Variants in CELSR1 observed in about 807,000 individuals in gnomAD.
The protein encoded by CELSR1 is adhesion G protein-coupled receptor C1.
CELSR1 carries 110 observed loss-of-function variants against 249.1 expected under a neutral mutation model. The observed-to-expected ratio is 0.44, with a 90% CI of 0.38 to 0.52. CELSR1 has a LOEUF of 0.52. Ranked by LOEUF, CELSR1 falls within the 20% of genes least tolerant of loss-of-function variation. The pLI, the probability that CELSR1 is intolerant of heterozygous loss-of-function variation, is 0.00. For missense variants in CELSR1, 4,109 were observed against 4,296.4 expected, an observed-to-expected ratio of 0.96 and a Z score of 1.22; for synonymous variants, 2,113 against 1,900.0, an observed-to-expected ratio of 1.11 and a Z score of -2.92.
intron 1 of CELSR1, among the ~76,000 whole-genome samples, chr22:46,531,160 A>C (rs1473168437): frequency 6.6e-6 from 1 of 152,020 alleles, no homozygotes; most frequent in Non-Finnish European, 1.5e-5. Flanking sequence ...ATCCTAGTCG[A>C]ATGGTCTGAG....
chr22:46,377,101 TGA>T lies in CELSR1; in HGVS notation c.7542_7543del (p.Gln2515AlafsTer231). On this transcript the variant is annotated frameshift_variant, in exon 24 of 35. Coordinates refer to ENST00000674500, the MANE Select transcript of CELSR1 (RefSeq NM_001378328.1). LOFTEE classifies it high-confidence loss of function. ...GTTGATCCCAATCACGAACACCAGC[TGA>T]GAGAGGAAGAGCGCCACGGCGAGGT... The T allele has an allele frequency of 6.2e-7, 1 of 1,613,428 alleles. No individual in the cohort carries two copies. The highest frequency in any genetic ancestry group is 8.5e-7 in the Non-Finnish European group (1 of 1,179,848).
At chr22:46,457,815 G>A (rs1474585082) in intron 2 of CELSR1, among the ~76,000 whole-genome samples, 1 of 152,252 alleles carries the variant, frequency 6.6e-6, no homozygotes, top group East Asian at 1.9e-4. Flanking sequence ...AGGAGACAGG[G>A]AAGGGAAGTG....
rs370659886 is a variant in CELSR1, at chr22:46,399,642, G to A, written c.5412+75C>T. 203 of 1,484,778 alleles carry A rather than the reference G, an allele frequency of 1.4e-4. No homozygotes were observed. The highest frequency in any genetic ancestry group is 1.8e-4 in the East Asian group (8 of 44,176). The allele number at this position is 1,484,778 out of a possible 1,614,324, so 92.0% of individuals were successfully genotyped here. On this transcript the variant is annotated intron_variant, in intron 10 of 34. Transcript: ENST00000674500. The surrounding 1 kb of genome is among the most constrained non-coding windows in gnomAD (Gnocchi z 5.0). The stretch of plus-strand genomic sequence containing the variant: ...CAAGGTCTCTGGTGGGTCCTGGCAC[G>A]TCAAGGGGTCATTCTGTTTTTCCCT...
rs370968120 is a variant in CELSR1, at chr22:46,411,792, G to A, written c.4612-33C>T. The stretch of plus-strand genomic sequence containing the variant: ...AAGAGAAAGCACAGAAGGTGTCAGC[G>A]TTTTCTCCACCAGTGCCCTCAGCAG... On this transcript the variant is annotated intron_variant, in intron 5 of 34. Coordinates refer to ENST00000674500, the MANE Select transcript of CELSR1 (RefSeq NM_001378328.1). The surrounding 1 kb of genome is among the most constrained non-coding windows in gnomAD (Gnocchi z 4.2). 16 of 1,612,384 alleles carry A rather than the reference G, an allele frequency of 9.9e-6. No homozygotes were observed. The highest frequency in any genetic ancestry group is 6.7e-5 in the African/African-American group (5 of 74,958).
rs963366897 is a variant in CELSR1, at chr22:46,527,820, G to T, written c.3544+5807C>A. ...TTTAAGATGGTCCGACCCAGGCTGG[G>T]AGCGGTGGCTCACGCCTGTAATCCC... On this transcript the variant is annotated intron_variant, in intron 1 of 34. Transcript: ENST00000674500. This position sits in a 1 kb window ranked among gnomAD's most constrained non-coding sequence, Gnocchi z 5.5. 1.3e-5 allele frequency among the ~76,000 whole-genome samples: 2 copies of T among 152,212 alleles called. No individual in the cohort carries two copies. Among genetic ancestry groups the T allele is most frequent in the African/African-American group, 4.8e-5 (2 of 41,450 alleles).
At chr22:46,507,535 C>T (rs571150460) in intron 1 of CELSR1, among the ~76,000 whole-genome samples, 16 of 152,282 alleles carry the variant, frequency 1.1e-4, no homozygotes, top group African/African-American at 3.8e-4. Flanking sequence ...GCCCCAGGCC[C>T]CAACAGCCTG....
chr22:46,507,908 C>T (rs1311479848), intron 1 of CELSR1, among the ~76,000 whole-genome samples: 9 of 152,328 alleles, frequency 5.9e-5, no homozygotes, highest in Middle Eastern at 6.8e-3. Flanking sequence ...CCTCACACCC[C>T]CCTACCTCCC....
At chr22:46,387,960 G>A (rs916234064) in intron 18 of CELSR1, among the ~76,000 whole-genome samples, 16 of 152,146 alleles carry the variant, frequency 1.1e-4, no homozygotes, top group African/African-American at 1.7e-4. Context: ...CAGCTCCTCC[G>A]AGGGTGACCC....
At position 46,537,110 on chromosome 22, in the gene CELSR1, GGGC is replaced by G. The variant is rs1336191025; in HGVS notation, c.58_60del (p.Ala20del). On this transcript the variant is annotated inframe_deletion, in exon 1 of 35. Transcript: ENST00000674500. The surrounding 1 kb of genome is among the most constrained non-coding windows in gnomAD (Gnocchi z 5.8). ...GCCGCTCGCAGCCCCATCGCCGGCA[GGGC>G]GGCGGCGGCGGCCAGGAGCAGCAGC... 3.1e-5 allele frequency: 32 copies of G among 1,037,414 alleles called. No homozygotes were observed. Among genetic ancestry groups the G allele is most frequent in the Middle Eastern group, 4.5e-4 (1 of 2,212 alleles). The allele number at this position is 1,037,414 out of a possible 1,614,324, so 64.3% of individuals were successfully genotyped here. A position where few individuals can be genotyped will look rare whatever the true frequency, so the allele number is the denominator to read the frequency against.
At chr22:46,479,388 A>C (rs2080243612) in intron 1 of CELSR1, among the ~76,000 whole-genome samples, 1 of 152,036 alleles carries the variant, frequency 6.6e-6, no homozygotes, top group Non-Finnish European at 1.5e-5. Context: ...TGCCAGGGGA[A>C]AACTGTCTGG....
chr22:46,397,937 G>T, intron 11 of CELSR1, 89 bp from the exon 12 acceptor site: 1 of 1,136,318 alleles, frequency 8.8e-7, no homozygotes, highest in Non-Finnish European at 1.2e-6. Context: ...GGTCCCTTGC[G>T]AGGCATTCAT....
intron 5 of CELSR1, among the ~76,000 whole-genome samples, chr22:46,415,146 G>T (rs1212570197): frequency 6.6e-6 from 1 of 152,150 alleles, no homozygotes; most frequent in Non-Finnish European, 1.5e-5. Context: ...TAATGGTATG[G>T]GGTGATGAAA....
At chr22:46,367,924 A>G (rs9627425) in intron 27 of CELSR1, 69 bp from the exon 28 acceptor site, 124,384 of 1,522,524 alleles carry the variant, frequency 0.082, 14,002 homozygotes, top group African/African-American at 0.55. Context: ...CCCTCTCTGC[A>G]CGTCCACCTG....
chr22:46,396,541 G>C lies in CELSR1; in HGVS notation c.5843+64C>G. On this transcript the variant is annotated intron_variant, in intron 13 of 34. Coordinates refer to ENST00000674500, the MANE Select transcript of CELSR1 (RefSeq NM_001378328.1). This position sits in a 1 kb window ranked among gnomAD's most constrained non-coding sequence, Gnocchi z 6.4. Reference sequence around the variant, plus strand: ...GTCAAAATAAGAAAGAGAAGACACTGAGTCGAGGGAACACAGCCACATGGA... The same window carrying C: ...GTCAAAATAAGAAAGAGAAGACACTCAGTCGAGGGAACACAGCCACATGGA... 1 of 1,407,446 alleles carries C rather than the reference G, an allele frequency of 7.1e-7. No individual in the cohort carries two copies. Among genetic ancestry groups the C allele is most frequent in the South Asian group, 1.8e-5 (1 of 55,946 alleles). 87.2% of individuals were successfully genotyped at this position (1,407,446 alleles called of 1,614,324 possible). A position where few individuals can be genotyped will look rare whatever the true frequency, so the allele number is the denominator to read the frequency against.
rs117354268 is a variant in CELSR1 at position 46,530,035 on chromosome 22, C to G, written c.3544+3592G>C. On this transcript the variant is annotated intron_variant, in intron 1 of 34. Coordinates refer to ENST00000674500, the MANE Select transcript of CELSR1 (RefSeq NM_001378328.1). ...TCATAAATACATACATCTAACCAGG[C>G]ACAGTGGCTCATGCCTATAATTTCA... 7.0e-3 allele frequency among the ~76,000 whole-genome samples: 1,070 copies of G among 152,070 alleles called. 8 individuals carry two copies. Among genetic ancestry groups the G allele is most frequent in the Non-Finnish European group, 0.012 (827 of 67,990 alleles).
Position 46,413,334 on chromosome 22 carries a change from GA to G in CELSR1, c.4612-1576del, listed in dbSNP as rs1232196198. ...AGTTGCATGACTTCTGGGGACCCTG[GA>G]CACCCAGGCAGCACGCCCTGCCTGG... is the stretch of plus-strand genomic sequence containing the variant. On this transcript the variant is annotated intron_variant, in intron 5 of 34. Transcript: ENST00000674500. The surrounding 1 kb of genome is among the most constrained non-coding windows in gnomAD (Gnocchi z 4.7). Among the ~76,000 whole-genome samples the G allele has an allele frequency of 6.6e-6, 1 of 152,192 alleles. No individual in the cohort carries two copies. Among genetic ancestry groups the G allele is most frequent in the African/African-American group, 2.4e-5 (1 of 41,456 alleles).
chr22:46,439,430 A>G lies in CELSR1; in HGVS notation c.4184-19T>C. 1 of 1,598,842 alleles carries G rather than the reference A, an allele frequency of 6.3e-7. No individual in the cohort carries two copies. The highest frequency in any genetic ancestry group is 2.3e-5 in the East Asian group (1 of 44,202). On this transcript the variant is annotated intron_variant, in intron 2 of 34. Transcript: ENST00000674500. Reference sequence around the variant, plus strand: ...TGCTCTCCTGGGGGGCGAGAGGAAGATGCCAGAGAGGAGGTTACCGACCAG... The same window carrying G: ...TGCTCTCCTGGGGGGCGAGAGGAAGGTGCCAGAGAGGAGGTTACCGACCAG...
At position 46,428,172 on chromosome 22, in the gene CELSR1, T is replaced by C. The variant is rs549773813; in HGVS notation, c.4611+5221A>G. The stretch of plus-strand genomic sequence containing the variant: ...TCCGGTTTGTTGCAACCGGGCCTCA[T>C]GCTGTCTTTATAAAAGCACTTTCCG... On this transcript the variant is annotated intron_variant, in intron 5 of 34. Transcript: ENST00000674500. This position sits in a 1 kb window ranked among gnomAD's most constrained non-coding sequence, Gnocchi z 5.7. 6.6e-6 allele frequency among the ~76,000 whole-genome samples: 1 copy of C among 152,212 alleles called. No individual in the cohort carries two copies. Among genetic ancestry groups the C allele is most frequent in the Non-Finnish European group, 1.5e-5 (1 of 68,030 alleles).
chr22:46,504,864 CCTG>C (rs2080499841), intron 1 of CELSR1, among the ~76,000 whole-genome samples: 1 of 152,084 alleles, frequency 6.6e-6, no homozygotes, highest in Non-Finnish European at 1.5e-5. Context: ...ACTAATGTTC[CCTG>C]AAATGTTATA....
Sources: gnomAD v4.1 joint callset for allele counts (sites outside exome capture counted in the v4.1 genomes callset) on GRCh38, gnomAD v4.1.1 for gene constraint, Gnocchi (gnomAD v3.1) non-coding constraint, MANE v1.5 for transcripts, NCBI Gene and HGNC (gene_info 2026-07-23, HGNC 2026-07-21) for gene names.